OIT3: variants seen among roughly 807,000 people sequenced by gnomAD.
OIT3 encodes the protein oncoprotein-induced transcript 3 protein.
In OIT3, 41 loss-of-function variants were observed where a neutral mutation model predicts 52.2. The ratio of observed to expected loss-of-function variants is 0.79; its 90% CI spans 0.61 to 1.02. The LOEUF is 1.02. Ranked by LOEUF, OIT3 falls within the 50% of genes least tolerant of loss-of-function variation. OIT3 has a pLI of 0.00. For synonymous variants in OIT3, 244 were observed against 276.9 expected (o/e 0.88, Z 1.18); for missense variants, 634 against 715.5 (o/e 0.89, Z 1.30).
intron 7 of OIT3, among the ~76,000 whole-genome samples, chr10:72,926,104 GAC>G (rs1216385006): frequency 6.6e-6 from 1 of 152,208 alleles, no homozygotes; most frequent in Middle Eastern, 3.2e-3. Flanking sequence ...TGTCAGGTGG[GAC>G]ACAGTCTCAG....
In OIT3 at chr10:72,918,029, A is replaced by G. The variant is rs144446250; in HGVS notation, c.951+4561A>G. The G allele has an allele frequency of 4.1e-3, 2,918 of 703,502 alleles. 11 individuals carry two copies. Among genetic ancestry groups the G allele is most frequent in the African/African-American group, 0.015 (860 of 55,666 alleles). 43.6% of individuals were successfully genotyped at this position (703,502 alleles called of 1,614,324 possible). On this transcript the variant is annotated intron_variant, in intron 6 of 8. Transcript: ENST00000334011. ...CATCATCTTCATCTTCTTCATCGTC[A>G]TCATCATCATCATCATCATCTTCCT...
intron 1 of OIT3, 32 bp from the exon 2 acceptor site, chr10:72,898,632 C>T (rs771799189): frequency 4.4e-6 from 7 of 1,574,048 alleles, no homozygotes; most frequent in Non-Finnish European, 5.2e-6. Flanking sequence ...CGAAACACTC[C>T]AGGTACTCTG....
chr10:72,914,090 T>C (rs1846053462), intron 6 of OIT3, among the ~76,000 whole-genome samples: 2 of 152,042 alleles, frequency 1.3e-5, no homozygotes, highest in African/African-American at 4.8e-5. Flanking sequence ...CAGGTGGAAG[T>C]GTGTGTGTGG....
At position 72,930,615 on chromosome 10, in the gene OIT3, A is replaced by T; in HGVS notation, c.1445A>T (p.Lys482Met). The change falls in exon 8 of 9, where the codon AAG (lysine) becomes ATG (methionine). Residue 482 changes from lysine (K) to methionine (M), a missense_variant. By Grantham distance (95) the Lys-to-Met change is moderately conservative. Coordinates refer to ENST00000334011, the MANE Select transcript of OIT3 (RefSeq NM_152635.3). ...AAGCACTTCCAGGTCCCTGTCTTCA[A>T]GTTTGTGGGCAAAGACCACAAGGTG... ...LAKHFQVPVF[K>M]FVGKDHKEVF... 1 of 1,612,552 alleles carries T rather than the reference A, an allele frequency of 6.2e-7. No individual in the cohort carries two copies. The highest frequency in any genetic ancestry group is 1.1e-5 in the South Asian group (1 of 91,000).
intron 7 of OIT3, among the ~76,000 whole-genome samples, chr10:72,927,214 C>T (rs1846177245): frequency 6.6e-6 from 1 of 152,056 alleles, no homozygotes; most frequent in African/African-American, 2.4e-5. Context: ...TCTCAGCTCC[C>T]CTGCAACCTC....
At position 72,898,853 on chromosome 10, in the gene OIT3, C is replaced by G. The variant is rs910126079; in HGVS notation, c.251C>G (p.Ala84Gly). ...CIPENHCGTHAPVWLNGSHPL... is the reference protein window; with the variant it reads ...CIPENHCGTHGPVWLNGSHPL... Reference sequence around the variant, plus strand: ...CCAGAAAACCACTGTGGAACCCACGCACCTGTCTGGCTCAATGGCAGCCAC... The same window carrying G: ...CCAGAAAACCACTGTGGAACCCACGGACCTGTCTGGCTCAATGGCAGCCAC... The change falls in exon 2 of 9, where the codon GCA becomes GGA. Residue 84 changes from alanine (A) to glycine (G), a missense_variant. By Grantham distance (60) the Ala-to-Gly change is moderately conservative. Transcript: ENST00000334011. 1.2e-6 allele frequency: 2 copies of G among 1,614,072 alleles called. No homozygotes were observed. The highest frequency in any genetic ancestry group is 1.7e-6 in the Non-Finnish European group (2 of 1,180,030).
intron 7 of OIT3, 111 bp downstream of exon 7, chr10:72,924,755 A>T: frequency 4.4e-6 from 4 of 901,672 alleles, no homozygotes; most frequent in Non-Finnish European, 6.7e-6. Flanking sequence ...TCAGCAATTT[A>T]TTAGTTCAGG....
intron 6 of OIT3, chr10:72,918,419 C>T: frequency 1.3e-6 from 1 of 789,854 alleles, no homozygotes; most frequent in Admixed American, 1.7e-5. Context: ...ATAACTGGTG[C>T]TCATCTTCAT....
At chr10:72,906,383 A>G (rs1387988061) in intron 3 of OIT3, among the ~76,000 whole-genome samples, 1 of 152,170 alleles carries the variant, frequency 6.6e-6, no homozygotes, top group African/African-American at 2.4e-5. Flanking sequence ...TTGGCAAGCA[A>G]TTAGGTACCT....
chr10:72,904,707 C>A (rs1845963555), intron 3 of OIT3, among the ~76,000 whole-genome samples: 1 of 152,164 alleles, frequency 6.6e-6, no homozygotes, highest in Non-Finnish European at 1.5e-5. Flanking sequence ...TTCAAAGCCT[C>A]TAATTATCAC....
chr10:72,932,680 C>T lies in OIT3; in HGVS notation c.*156C>T. 1 of 640,616 alleles carries T rather than the reference C, an allele frequency of 1.6e-6. No individual in the cohort carries two copies. The allele number at this position is 640,616 out of a possible 1,614,324, so 39.7% of individuals were successfully genotyped here. On this transcript the variant is annotated 3_prime_UTR_variant, in exon 9 of 9. Transcript: ENST00000334011. Reference sequence around the variant, plus strand: ...CAACTCACTCTGATTCTGGTCCATTCAGTGGGCACAGGTCACAGCACTGCT... The same window carrying T: ...CAACTCACTCTGATTCTGGTCCATTTAGTGGGCACAGGTCACAGCACTGCT...
chr10:72,918,290 A>G, intron 6 of OIT3: 1 of 778,114 alleles, frequency 1.3e-6, no homozygotes, highest in Admixed American at 1.7e-5. Context: ...TTGGCTATAC[A>G]GACATTTTCA....
chr10:72,926,473 C>T (rs1405589283), intron 7 of OIT3, among the ~76,000 whole-genome samples: 1 of 152,360 alleles, frequency 6.6e-6, no homozygotes, highest in East Asian at 1.9e-4. Flanking sequence ...TCACCTTTCA[C>T]ATCTCAGCTC....
intron 3 of OIT3, among the ~76,000 whole-genome samples, chr10:72,904,287 G>T (rs993137355): frequency 6.6e-6 from 1 of 152,122 alleles, no homozygotes; most frequent in Non-Finnish European, 1.5e-5. Flanking sequence ...GAGTCTTGCC[G>T]GAGCTCCCGG....
At chr10:72,907,832 G>A (rs991014716) in intron 4 of OIT3, among the ~76,000 whole-genome samples, 4 of 152,064 alleles carry the variant, frequency 2.6e-5, no homozygotes, top group Non-Finnish European at 5.9e-5. Context: ...TAATAAAAAA[G>A]AATTCATAAT....
intron 7 of OIT3, among the ~76,000 whole-genome samples, chr10:72,929,227 G>T (rs1025780260): frequency 2.0e-5 from 3 of 150,608 alleles, no homozygotes; most frequent in African/African-American, 7.5e-5. Flanking sequence ...AAGAAGAAAA[G>T]AAAAGAAAAA....
intron 6 of OIT3, among the ~76,000 whole-genome samples, chr10:72,923,632 G>T (rs1846140347): frequency 1.3e-5 from 2 of 152,224 alleles, no homozygotes; most frequent in Non-Finnish European, 2.9e-5. Context: ...ATCCCAGTGG[G>T]GTACAGACCT....
rs144577067 is a variant in OIT3, at chr10:72,929,418, C to A, written c.1368-1120C>A. Reference sequence around the variant, plus strand: ...TGGGAAAAATAATATGAGGGTGATTCTTGGCCTATAAGAAGTTTCATGAAT... The same window carrying A: ...TGGGAAAAATAATATGAGGGTGATTATTGGCCTATAAGAAGTTTCATGAAT... On this transcript the variant is annotated intron_variant, in intron 7 of 8. Transcript: ENST00000334011. Among the ~76,000 whole-genome samples the A allele has an allele frequency of 1.5e-4, 22 of 151,676 alleles. 1 individual carries two copies. Among genetic ancestry groups the A allele is most frequent in the Non-Finnish European group, 2.9e-4 (20 of 67,952 alleles).
Position 72,913,477 on chromosome 10 carries a change from C to T in OIT3, c.951+9C>T, listed in dbSNP as rs761264284. 1.3e-6 allele frequency: 2 copies of T among 1,597,248 alleles called. No homozygotes were observed. The highest frequency in any genetic ancestry group is 1.7e-5 in the Admixed American group (1 of 59,536). ...GTGGTACAGTGGTCGATGTAGGTTC[C>T]TCCTGGAGGGCACTTGGGGAATGAC... On this transcript the variant is annotated intron_variant, in intron 6 of 8. Coordinates refer to ENST00000334011, the MANE Select transcript of OIT3 (RefSeq NM_152635.3).
Sources: allele counts gnomAD v4.1 joint callset (sites outside exome capture counted in the v4.1 genomes callset), GRCh38; gene constraint gnomAD v4.1.1; transcripts MANE v1.5; gene names NCBI Gene and HGNC (gene_info 2026-07-23, HGNC 2026-07-21).